The following NTM variants were observed in gnomAD, a reference collection of about 807,000 sequenced individuals.
The protein encoded by NTM is IgLON family member 2.
In NTM, 13 loss-of-function variants were observed where a neutral mutation model predicts 42.1. The ratio of observed to expected loss-of-function variants is 0.31; its 90% CI spans 0.20 to 0.49. NTM has a LOEUF of 0.49. Ranked by LOEUF, NTM falls within the 20% of genes least tolerant of loss-of-function variation. The pLI, the probability that NTM is intolerant of heterozygous loss-of-function variation, is 0.99. For missense variants in NTM, 373 were observed against 452.8 expected, an observed-to-expected ratio of 0.82 and a Z score of 1.60; for synonymous variants, 187 against 179.2, an observed-to-expected ratio of 1.04 and a Z score of -0.35.
Position 132,002,016 on chromosome 11 carries a change from T to A in NTM, c.167+90368T>A, listed in dbSNP as rs1395483357. Among the ~76,000 whole-genome samples the A allele has an allele frequency of 6.6e-6, 1 of 152,008 alleles. No homozygotes were observed. The highest frequency in any genetic ancestry group is 1.5e-5 in the Non-Finnish European group (1 of 67,998). Reference sequence around the variant, plus strand: ...AGCCTCATGTGTAGAAAAACTTGAATAAAAGCAATGGCAGGGACAGCCAAA... The same window carrying A: ...AGCCTCATGTGTAGAAAAACTTGAAAAAAAGCAATGGCAGGGACAGCCAAA... On this transcript the variant is annotated intron_variant, in intron 2 of 8. Transcript: ENST00000683400. This position sits in a 1 kb window ranked among gnomAD's most constrained non-coding sequence, Gnocchi z 4.5.
intron 2 of NTM, among the ~76,000 whole-genome samples, chr11:131,972,042 C>CAAATAAAA (rs2063618932): frequency 1.7e-5 from 1 of 57,842 alleles, no homozygotes; most frequent in African/African-American, 6.8e-5. Context: ...GACTCCGTCT[C>CAAATAAAA]AAAAAAAAAA....
At chr11:131,677,745 C>T (rs1424691740) in intron 1 of NTM, among the ~76,000 whole-genome samples, 1 of 152,220 alleles carries the variant, frequency 6.6e-6, no homozygotes, top group Non-Finnish European at 1.5e-5. Context: ...AGAGGTTACG[C>T]CATTTGCTCA....
intron 2 of NTM, among the ~76,000 whole-genome samples, chr11:132,113,337 A>C (rs2063475087): frequency 6.6e-6 from 1 of 152,224 alleles, no homozygotes; most frequent in Non-Finnish European, 1.5e-5. Context: ...GCATTTAAAT[A>C]GTATTTTCAT....
chr11:132,018,922 T>A (rs543726143), intron 2 of NTM, among the ~76,000 whole-genome samples: 1 of 152,140 alleles, frequency 6.6e-6, no homozygotes, highest in East Asian at 1.9e-4. Context: ...TTCTACTTCT[T>A]CTGGAGTCAT....
intron 1 of NTM, among the ~76,000 whole-genome samples, chr11:131,562,546 G>T (rs145494921): frequency 2.0e-3 from 305 of 152,126 alleles, no homozygotes; most frequent in African/African-American, 6.7e-3. Flanking sequence ...AAGGAGGCCC[G>T]GCAGAGACCA....
chr11:131,773,199 G>C (rs1306074055), intron 1 of NTM, among the ~76,000 whole-genome samples: 2 of 152,180 alleles, frequency 1.3e-5, no homozygotes, highest in African/African-American at 4.8e-5. Flanking sequence ...CCTTGTTGCT[G>C]TGTCCTCCGG....
intron 4 of NTM, among the ~76,000 whole-genome samples, chr11:132,299,760 T>TAGGTTTG (rs1176876012): frequency 6.6e-6 from 1 of 152,196 alleles, no homozygotes; most frequent in African/African-American, 2.4e-5. Flanking sequence ...CAGGCAAACG[T>TAGGTTTG]AGGTTTGAGC....
At chr11:131,479,392 G>A (rs1318594841) in intron 1 of NTM, among the ~76,000 whole-genome samples, 2 of 152,314 alleles carry the variant, frequency 1.3e-5, no homozygotes, top group African/African-American at 4.8e-5. Context: ...TCGAAGAACT[G>A]TTAGAGAGCA....
intron 1 of NTM, among the ~76,000 whole-genome samples, chr11:131,703,782 C>T (rs1285059343): frequency 6.6e-6 from 1 of 152,184 alleles, no homozygotes; most frequent in Admixed American, 6.5e-5. Context: ...GAAAGATAGC[C>T]TTGCATGAGG....
At chr11:131,743,171 CA>C (rs1407750706) in intron 1 of NTM, among the ~76,000 whole-genome samples, 2 of 151,622 alleles carry the variant, frequency 1.3e-5, no homozygotes, top group Non-Finnish European at 2.9e-5. Context: ...AAAGACTTAA[CA>C]AGTTGTTTCT....
chr11:131,666,646 C>G (rs1409728649), intron 1 of NTM, among the ~76,000 whole-genome samples: 1 of 152,156 alleles, frequency 6.6e-6, no homozygotes, highest in African/African-American at 2.4e-5. Context: ...GACTGAAAGC[C>G]AAGTAGCCCT....
intron 1 of NTM, among the ~76,000 whole-genome samples, chr11:131,417,058 T>C (rs1342777588): frequency 6.6e-6 from 1 of 152,212 alleles, no homozygotes; most frequent in Non-Finnish European, 1.5e-5. Context: ...ACCTCTAGTT[T>C]AATGGCTAAT....
intron 2 of NTM, among the ~76,000 whole-genome samples, chr11:132,010,830 G>C (rs1172106386): frequency 1.3e-5 from 2 of 151,936 alleles, no homozygotes; most frequent in Non-Finnish European, 2.9e-5. Context: ...TCTCTCTTAA[G>C]AATTCCCTGA....
chr11:131,935,628 G>T (rs184204956), intron 2 of NTM, among the ~76,000 whole-genome samples: 1 of 152,228 alleles, frequency 6.6e-6, no homozygotes, highest in Admixed American at 6.5e-5. Flanking sequence ...GGGTTCCCTG[G>T]CCTGTTTTAT....
At chr11:131,383,606 G>A (rs1217439424) in intron 1 of NTM, among the ~76,000 whole-genome samples, 1 of 152,156 alleles carries the variant, frequency 6.6e-6, no homozygotes, top group African/African-American at 2.4e-5. Flanking sequence ...TTTGTATGGG[G>A]TGATGGGAGG....
intron 1 of NTM, among the ~76,000 whole-genome samples, chr11:131,722,322 A>T (rs2078460372): frequency 6.6e-6 from 1 of 152,146 alleles, no homozygotes; most frequent in South Asian, 2.1e-4. Context: ...CCCAGACCAT[A>T]ATCAGTAAGA....
At chr11:132,139,946 C>T (rs1337203857) in intron 2 of NTM, among the ~76,000 whole-genome samples, 1 of 152,172 alleles carries the variant, frequency 6.6e-6, no homozygotes, top group African/African-American at 2.4e-5. Context: ...TCAATCAAGT[C>T]AGCAATGTTA....
intron 1 of NTM, among the ~76,000 whole-genome samples, chr11:131,787,944 A>T (rs1163154062): frequency 1.3e-5 from 2 of 152,196 alleles, no homozygotes; most frequent in Non-Finnish European, 2.9e-5. Context: ...TTCCTATAAA[A>T]CACTTCAATC....
intron 2 of NTM, among the ~76,000 whole-genome samples, chr11:131,966,888 ATGG>A (rs1273264951): frequency 6.6e-6 from 1 of 152,152 alleles, no homozygotes; most frequent in Non-Finnish European, 1.5e-5. Flanking sequence ...TCACTCACAG[ATGG>A]TGGTGAGGAA....
Sources: gnomAD v4.1 joint callset for allele counts (sites outside exome capture counted in the v4.1 genomes callset) on GRCh38, gnomAD v4.1.1 for gene constraint, Gnocchi (gnomAD v3.1) non-coding constraint, MANE v1.5 for transcripts, NCBI Gene and HGNC (gene_info 2026-07-23, HGNC 2026-07-21) for gene names.